CYP3A7: variants seen among roughly 807,000 people sequenced by gnomAD.
CYP3A7 encodes the protein cytochrome P450 3A7.
A neutral mutation model predicts 55.2 loss-of-function variants in CYP3A7; 45 were observed. That is an observed-to-expected ratio of 0.82 (90% CI 0.64 to 1.05). The LOEUF (loss-of-function observed/expected upper bound fraction) is 1.05. Ranked by LOEUF, CYP3A7 falls within the 50% of genes least tolerant of loss-of-function variation. The pLI, the probability that CYP3A7 is intolerant of heterozygous loss-of-function variation, is 0.00. For synonymous variants in CYP3A7, 180 were observed against 207.4 expected (o/e 0.87, Z 1.13); for missense variants, 548 against 605.3 (o/e 0.91, Z 0.99).
In CYP3A7 at chr7:99,714,560, G is replaced by A. The variant is rs765639246; in HGVS notation, c.793C>T (p.Gln265Ter). 2.4e-5 allele frequency: 38 copies of A among 1,612,590 alleles called. No homozygotes were observed. Among genetic ancestry groups the A allele is most frequent in the Non-Finnish European group, 3.1e-5 (36 of 1,179,424 alleles). Residue 265 changes from glutamine (Q) to a stop codon, truncating the protein, a stop_gained, in exon 8 of 13, where the codon CAA becomes TAA. Transcript: ENST00000336374. LOFTEE classifies it high-confidence loss of function. ...QIKEGRLKETQKHRVDFLQLM... is the reference protein window; with the variant it reads ...QIKEGRLKET ...TAACTACCACCACGTTTTACCTTTT[G>A]TGTCTCTTTGAGGCGACCTTCTTTT...
intron 9 of CYP3A7, 109 bp downstream of exon 9, chr7:99,713,360 C>T: frequency 6.6e-7 from 1 of 1,521,944 alleles, no homozygotes. Flanking sequence ...TGTCATTCTG[C>T]TATGTGGCAG....
In CYP3A7 at chr7:99,734,465, A is replaced by G. The variant is rs10229716; in HGVS notation, c.71+558T>C. ...ATTGTCTATTAGATTATCCTCAATC[A>G]ATGCTGTCCCTAAACCCTTCTTTCC... On this transcript the variant is annotated intron_variant, in intron 1 of 12. Coordinates refer to ENST00000336374, the MANE Select transcript of CYP3A7 (RefSeq NM_000765.5). Among the ~76,000 whole-genome samples the G allele has an allele frequency of 4.7e-3, 714 of 152,272 alleles. 5 individuals are homozygous for G. The highest frequency in any genetic ancestry group is 0.016 in the African/African-American group (661 of 41,560).
rs778581843 is a variant in CYP3A7 at position 99,735,012 on chromosome 7, C to T, written c.71+11G>A. ...AGGAAACAGAGAAGAGGAGCCTGAA[C>T]AGTTACTCACAGATAGAGGAGTATC... On this transcript the variant is annotated intron_variant, in intron 1 of 12. Transcript: ENST00000336374. 3 of 1,614,076 alleles carry T rather than the reference C, an allele frequency of 1.9e-6. No individual in the cohort carries two copies. Among genetic ancestry groups the T allele is most frequent in the African/African-American group, 2.7e-5 (2 of 75,044 alleles).
chr7:99,708,481 C>T (rs892592862), intron 11 of CYP3A7, among the ~76,000 whole-genome samples: 2 of 151,908 alleles, frequency 1.3e-5, no homozygotes, highest in Non-Finnish European at 2.9e-5. Flanking sequence ...TTCTCTCCTC[C>T]TTCTCCTCCT....
chr7:99,708,359 G>A (rs1465289166), intron 11 of CYP3A7, among the ~76,000 whole-genome samples: 1 of 152,152 alleles, frequency 6.6e-6, no homozygotes, highest in Non-Finnish European at 1.5e-5. Context: ...TGAGGAAGGA[G>A]AAGAAATTGT....
chr7:99,707,241 T>C (rs1813559092), intron 12 of CYP3A7, among the ~76,000 whole-genome samples: 2 of 152,230 alleles, frequency 1.3e-5, no homozygotes, highest in African/African-American at 4.8e-5. Context: ...TAGTCCTTCG[T>C]ATCCAATAGA....
intron 2 of CYP3A7, among the ~76,000 whole-genome samples, chr7:99,728,969 A>G (rs1462366200): frequency 6.6e-6 from 1 of 152,228 alleles, no homozygotes; most frequent in Non-Finnish European, 1.5e-5. Flanking sequence ...CACTGCTGAA[A>G]AAGGAGTACT....
At position 99,707,602 on chromosome 7, in the gene CYP3A7, A is replaced by G. The variant is rs564539965; in HGVS notation, c.1416+210T>C. Among the ~76,000 whole-genome samples, 6 of 152,362 alleles carry G rather than the reference A, an allele frequency of 3.9e-5. No homozygotes were observed. The East Asian group carries it at 1.2e-3, about 29-fold the overall frequency. ...GTAGATAATCATGTCATGCTAGTCT[A>G]CATTGACATTGCATGATGTTTTTAA... On this transcript the variant is annotated intron_variant, in intron 12 of 12. Transcript: ENST00000336374.
At chr7:99,729,867 G>A (rs1220201570) in intron 2 of CYP3A7, among the ~76,000 whole-genome samples, 1 of 152,144 alleles carries the variant, frequency 6.6e-6, no homozygotes, top group Non-Finnish European at 1.5e-5. Context: ...CTGCACCCAA[G>A]TGATTAAAAA....
rs1307461322 is a variant in CYP3A7, at chr7:99,715,781, A to G, written c.647T>C (p.Leu216Ser). 6 of 1,613,756 alleles carry G rather than the reference A, an allele frequency of 3.7e-6. No individual in the cohort carries two copies. In the African/African-American group the frequency reaches 5.3e-5, roughly 14 times the overall value. Residue 216 changes from leucine to serine, a missense_variant, in exon 7 of 13, where the codon TTA becomes TCA. Coordinates refer to ENST00000336374, the MANE Select transcript of CYP3A7 (RefSeq NM_000765.5). ...ACTTATTGAGAGAACGAATGGATCT[A>G]ATGGATTAAATCTTAAAAGCTTCTT... Reference protein sequence around the residue: ...NTKKLLRFNPLDPFVLSIKVF... With the variant: ...NTKKLLRFNPSDPFVLSIKVF...
At position 99,705,506 on chromosome 7, in the gene CYP3A7, T is replaced by C. The variant is rs1285028937; in HGVS notation, c.1506A>G (p.Gly502=). 5.6e-6 allele frequency: 9 copies of C among 1,613,404 alleles called. No homozygotes were observed. Among genetic ancestry groups the C allele is most frequent in the Admixed American group, 1.7e-5 (1 of 59,976 alleles). ...CCAGAAGTCCTTAGGGAAATCAGGC[T>C]CCACTTACGGTCTCATCCCTTGACT... ...KAESRDETVS[G]A The change falls in exon 13 of 13, where the codon GGA becomes GGG. Residue 502 remains glycine, a synonymous_variant. Coordinates refer to ENST00000336374, the MANE Select transcript of CYP3A7 (RefSeq NM_000765.5).
chr7:99,718,532 T>C (rs1171107534), intron 4 of CYP3A7, among the ~76,000 whole-genome samples: 1 of 152,130 alleles, frequency 6.6e-6, no homozygotes, highest in Non-Finnish European at 1.5e-5. Context: ...GGAGAGAAAA[T>C]TCCTCCATTT....
At chr7:99,710,347 A>G (rs1229011698) in intron 10 of CYP3A7, among the ~76,000 whole-genome samples, 3 of 152,216 alleles carry the variant, frequency 2.0e-5, no homozygotes. Flanking sequence ...CAACCTGCAC[A>G]GCGCACCCAG....
At chr7:99,732,760 A>G (rs1259636944) in intron 1 of CYP3A7, among the ~76,000 whole-genome samples, 2 of 152,188 alleles carry the variant, frequency 1.3e-5, no homozygotes, top group Non-Finnish European at 2.9e-5. Context: ...ATGTGGTTCA[A>G]AAGTACGGTG....
chr7:99,725,081 G>A (rs555227320), intron 2 of CYP3A7, among the ~76,000 whole-genome samples: 10 of 152,088 alleles, frequency 6.6e-5, no homozygotes, highest in Non-Finnish European at 1.3e-4. Flanking sequence ...AGATTACATG[G>A]TCTCCTGCCT....
intron 2 of CYP3A7, among the ~76,000 whole-genome samples, chr7:99,723,403 T>A (rs1814282459): frequency 6.6e-6 from 1 of 152,130 alleles, no homozygotes; most frequent in Admixed American, 6.5e-5. Context: ...AATAGATAAC[T>A]TCCTTTAACT....
intron 4 of CYP3A7, among the ~76,000 whole-genome samples, chr7:99,720,048 CAAAT>C (rs1374234762): frequency 1.3e-5 from 2 of 152,038 alleles, no homozygotes; most frequent in Non-Finnish European, 2.9e-5. Context: ...ACTACCCACA[CAAAT>C]GAGGGCACAT....
chr7:99,714,667 A>G lies in CYP3A7; in HGVS notation c.686T>C (p.Leu229Pro), dbSNP rs1262526267. ...ATTTAATGCTTCAAGAATTGGGGTA[A>G]GGAATGGAAAGACTTCTGTAGAAAA... ...FVLSIKVFPF[L>P]TPILEALNIT... Residue 229 changes from leucine (L) to proline (P), a missense_variant, in exon 8 of 13, where the codon CTT becomes CCT. Leu to Pro is a moderately conservative substitution (Grantham distance 98). Coordinates refer to ENST00000336374, the MANE Select transcript of CYP3A7 (RefSeq NM_000765.5). 6.2e-7 allele frequency: 1 copy of G among 1,611,502 alleles called. No individual in the cohort carries two copies. The highest frequency in any genetic ancestry group is 2.2e-5 in the East Asian group (1 of 44,736).
At chr7:99,732,295 G>A (rs1485143255) in intron 1 of CYP3A7, among the ~76,000 whole-genome samples, 2 of 152,074 alleles carry the variant, frequency 1.3e-5, no homozygotes, top group African/African-American at 2.4e-5. Context: ...ATTTCCTGAG[G>A]GCACCCTAGC....
Sources: gnomAD v4.1 joint callset for allele counts (sites outside exome capture counted in the v4.1 genomes callset) on GRCh38, gnomAD v4.1.1 for gene constraint, MANE v1.5 for transcripts, NCBI Gene and HGNC (gene_info 2026-07-23, HGNC 2026-07-21) for gene names.